Variants in COL18A1 observed in about 807,000 individuals in gnomAD.
COL18A1 encodes collagen alpha-1(XVIII) chain.
A neutral mutation model predicts 168.0 loss-of-function variants in COL18A1; 133 were observed. The observed-to-expected ratio is 0.79, with a 90% CI of 0.69 to 0.91. The LOEUF (loss-of-function observed/expected upper bound fraction) is 0.91. Ranked by LOEUF, COL18A1 falls within the 40% of genes least tolerant of loss-of-function variation. The pLI, the probability that COL18A1 is intolerant of heterozygous loss-of-function variation, is 0.00. For synonymous variants in COL18A1, 949 were observed against 809.0 expected (o/e 1.17, Z -2.94); for missense variants, 2,126 against 1,925.4 (o/e 1.10, Z -1.95).
intron 32 of COL18A1, among the ~76,000 whole-genome samples, chr21:45,501,297 A>C (rs2036808618): frequency 6.6e-6 from 1 of 152,066 alleles, no homozygotes; most frequent in African/African-American, 2.4e-5. Flanking sequence ...ACACAAATCA[A>C]TCATTATAGG....
intron 28 of COL18A1, 127 bp downstream of exon 28, chr21:45,495,042 G>A: frequency 2.4e-6 from 2 of 848,842 alleles, no homozygotes; most frequent in Non-Finnish European, 3.8e-6. Flanking sequence ...CCTCCCCCAA[G>A]AACCGGCCCT....
rs541872201 is a variant in COL18A1, at chr21:45,513,530, T to C, written c.*1132T>C. The C allele has an allele frequency of 3.8e-5, 5 of 132,218 alleles. No homozygotes were observed. The highest frequency in any genetic ancestry group is 1.6e-4 in the African/African-American group (5 of 31,328). 8.2% of individuals were successfully genotyped at this position (132,218 alleles called of 1,614,324 possible). Reference sequence around the variant, plus strand: ...CTGTCAGTCACAGCCACCCCTGAGATCCGGCAACATCAACCCGAGTCATTC... The same window carrying C: ...CTGTCAGTCACAGCCACCCCTGAGACCCGGCAACATCAACCCGAGTCATTC... On this transcript the variant is annotated 3_prime_UTR_variant, in exon 42 of 42. Coordinates refer to ENST00000651438, the MANE Select transcript of COL18A1 (RefSeq NM_001379500.1).
chr21:45,484,138 T>C (rs116542744), intron 15 of COL18A1, among the ~76,000 whole-genome samples: 1,466 of 119,374 alleles, frequency 0.012, 213 homozygotes, highest in African/African-American at 0.048. Context: ...CTCCAGCGTA[T>C]GTACACACAC....
At position 45,510,314 on chromosome 21, in the gene COL18A1, T is replaced by A. The variant is rs1602653695; in HGVS notation, c.3693+53T>A. ...GGCTCCTCGGCCCCCACTTGACCTC[T>A]GGGGTGAACTCCCAGCGGGGAGCTC... On this transcript the variant is annotated intron_variant, in intron 40 of 41. Coordinates refer to ENST00000651438, the MANE Select transcript of COL18A1 (RefSeq NM_001379500.1). 18 of 1,537,282 alleles carry A rather than the reference T, an allele frequency of 1.2e-5. No homozygotes were observed. In the East Asian group the frequency reaches 4.4e-4, roughly 37 times the overall value.
rs373861758 is a variant in COL18A1, at chr21:45,468,476, C to T, written c.341C>T (p.Ser114Leu). Reference sequence around the variant, plus strand: ...GGGGTGCTGTTCGCCATCACGGACTCGGCGCAGGCCATGGTCTTGCTGGGC... The same window carrying T: ...GGGGTGCTGTTCGCCATCACGGACTTGGCGCAGGCCATGGTCTTGCTGGGC... ...GPGVLFAITD[S>L]AQAMVLLGVK... Residue 114 changes from serine (S) to leucine (L), a missense_variant, in exon 3 of 42, where the codon TCG becomes TTG. Coordinates refer to ENST00000651438, the MANE Select transcript of COL18A1 (RefSeq NM_001379500.1). The T allele has an allele frequency of 1.4e-5, 22 of 1,613,930 alleles. No individual in the cohort carries two copies. Among genetic ancestry groups the T allele is most frequent in the Middle Eastern group, 1.6e-4 (1 of 6,084 alleles).
chr21:45,431,457 G>A (rs1602366815), intron 2 of COL18A1, among the ~76,000 whole-genome samples: 1 of 113,500 alleles, frequency 8.8e-6, no homozygotes, highest in African/African-American at 4.1e-5. Context: ...GCCCAGGGGA[G>A]GGGGGCAGGC....
At chr21:45,491,096 C>T in intron 21 of COL18A1, 129 bp from the exon 22 acceptor site, 1 of 898,774 alleles carries the variant, frequency 1.1e-6, no homozygotes, top group Non-Finnish European at 1.8e-6. Context: ...TCCAAGGCCA[C>T]AGTCCACAGC....
At chr21:45,437,225 GACAC>G (rs139437733) in intron 2 of COL18A1, among the ~76,000 whole-genome samples, 3 of 59,424 alleles carry the variant, frequency 5.0e-5, no homozygotes, top group South Asian at 6.0e-4. Context: ...CACACACACA[GACAC>G]ACAGGCACTC....
In COL18A1 at chr21:45,494,442, C is replaced by T. The variant is rs1280680361; in HGVS notation, c.2353-103C>T. The T allele has an allele frequency of 1.9e-6, 3 of 1,551,160 alleles. No homozygotes were observed. The East Asian group carries it at 6.7e-5, about 35-fold the overall frequency. On this transcript the variant is annotated intron_variant, in intron 26 of 41. Transcript: ENST00000651438. Reference sequence around the variant, plus strand: ...CTTAGGGAGGCTATCAGGTGGGGCACAAGCCGCCACCTAACCGTGCCTTCG... The same window carrying T: ...CTTAGGGAGGCTATCAGGTGGGGCATAAGCCGCCACCTAACCGTGCCTTCG...
At chr21:45,501,171 C>T (rs1254333216) in intron 32 of COL18A1, among the ~76,000 whole-genome samples, 3 of 151,808 alleles carry the variant, frequency 2.0e-5, no homozygotes, top group African/African-American at 7.3e-5. Context: ...AATAAATGTT[C>T]ATTGAGACAA....
chr21:45,433,260 T>C (rs1225103161), intron 2 of COL18A1, among the ~76,000 whole-genome samples: 1 of 152,214 alleles, frequency 6.6e-6, no homozygotes, highest in Non-Finnish European at 1.5e-5. Context: ...AGTTCAATCT[T>C]TCCACTTACG....
intron 38 of COL18A1, 90 bp from the exon 39 acceptor site, chr21:45,509,266 C>T (rs988229616): frequency 8.6e-6 from 13 of 1,508,678 alleles, no homozygotes; most frequent in African/African-American, 4.2e-5. Flanking sequence ...AGAGCCCAGC[C>T]CCTCTCACCC....
At chr21:45,484,331 GCA>G (rs1214756108) in intron 15 of COL18A1, among the ~76,000 whole-genome samples, 8 of 119,992 alleles carry the variant, frequency 6.7e-5, no homozygotes, top group Admixed American at 2.6e-4. Flanking sequence ...GCACACACAT[GCA>G]CACACACATC....
intron 2 of COL18A1, chr21:45,456,088 C>G (rs760683399): frequency 6.3e-7 from 1 of 1,599,958 alleles, no homozygotes; most frequent in Non-Finnish European, 8.5e-7. Flanking sequence ...CCGAGGCTGG[C>G]ACCTTGCCTG....
chr21:45,456,345 T>C (rs1237425730), intron 2 of COL18A1: 1 of 1,550,586 alleles, frequency 6.4e-7, no homozygotes, highest in Non-Finnish European at 8.7e-7. Context: ...ATGGGCTCCC[T>C]GGGCAAGCAC....
intron 32 of COL18A1, 57 bp from the exon 33 acceptor site, chr21:45,503,954 G>GA: frequency 6.2e-7 from 1 of 1,606,404 alleles, no homozygotes; most frequent in Non-Finnish European, 8.5e-7. Flanking sequence ...GCTGCAGAGG[G>GA]AACCCGGCGC....
chr21:45,506,015 G>A lies in COL18A1; in HGVS notation c.3216+49G>A, dbSNP rs148306731. ...CTGGACCCGTGGAAGGGCCGAAGCC[G>A]CCTCCTGGGGCTTAAGGAAGGCGAG... On this transcript the variant is annotated intron_variant, in intron 37 of 41. Coordinates refer to ENST00000651438, the MANE Select transcript of COL18A1 (RefSeq NM_001379500.1). The A allele has an allele frequency of 1.8e-4, 291 of 1,611,772 alleles. No individual in the cohort carries two copies. In the African/African-American group the frequency reaches 2.9e-3, roughly 16 times the overall value.
chr21:45,456,452 G>A (rs915378479), intron 2 of COL18A1: 20 of 1,544,308 alleles, frequency 1.3e-5, no homozygotes, highest in East Asian at 4.9e-5. Context: ...GGTCTCCCAC[G>A]TGGCTAACTC....
chr21:45,484,080 T>C (rs2035997727), intron 15 of COL18A1, among the ~76,000 whole-genome samples: 1 of 115,626 alleles, frequency 8.6e-6, no homozygotes, highest in Admixed American at 8.7e-5. Context: ...CTCCAGCATA[T>C]GTACACACAC....
Sources: allele counts gnomAD v4.1 joint callset (sites outside exome capture counted in the v4.1 genomes callset), GRCh38; gene constraint gnomAD v4.1.1; transcripts MANE v1.5; gene names NCBI Gene and HGNC (gene_info 2026-07-23, HGNC 2026-07-21).